Variants in BICD1 observed in about 807,000 individuals in gnomAD.
The protein encoded by BICD1 is protein bicaudal D homolog 1.
BICD1 carries 35 observed loss-of-function variants against 92.5 expected under a neutral mutation model. The ratio of observed to expected loss-of-function variants is 0.38; its 90% CI spans 0.29 to 0.50. BICD1 has a LOEUF of 0.50. Ranked by LOEUF, BICD1 falls within the 20% of genes least tolerant of loss-of-function variation. The pLI, the probability that BICD1 is intolerant of heterozygous loss-of-function variation, is 0.93. For synonymous variants in BICD1, 429 were observed against 465.1 expected (o/e 0.92, Z 1.00); for missense variants, 950 against 1,189.8 (o/e 0.80, Z 2.97).
At chr12:32,341,699 C>G (rs554952417) in intron 8 of BICD1, among the ~76,000 whole-genome samples, 29 of 152,204 alleles carry the variant, frequency 1.9e-4, no homozygotes, top group African/African-American at 6.7e-4. Flanking sequence ...ATTATCAAAT[C>G]AATCTTAGCA....
At chr12:32,344,510 G>A (rs1057166013) in intron 8 of BICD1, among the ~76,000 whole-genome samples, 3 of 152,138 alleles carry the variant, frequency 2.0e-5, no homozygotes, top group Admixed American at 6.6e-5. Context: ...GGGTAACATC[G>A]AAGATAAAGA....
intron 2 of BICD1, among the ~76,000 whole-genome samples, chr12:32,250,041 A>T (rs1189801395): frequency 6.6e-6 from 1 of 151,952 alleles, no homozygotes; most frequent in African/African-American, 2.4e-5. Flanking sequence ...CAAGAAGCAT[A>T]TTATTATGTT....
At chr12:32,373,891 AGTATT>A (rs1369948272) in intron 9 of BICD1, among the ~76,000 whole-genome samples, 2 of 151,092 alleles carry the variant, frequency 1.3e-5, no homozygotes, top group African/African-American at 2.4e-5. Context: ...AAAAAAAAAA[AGTATT>A]GGATTACACA....
Position 32,171,984 on chromosome 12 carries a change from C to CAT in BICD1, c.214-44262_214-44261insTA, listed in dbSNP as rs774843967. Among the ~76,000 whole-genome samples, 702 of 100,830 alleles carry CAT rather than the reference C, an allele frequency of 7.0e-3. 4 individuals carry two copies. Among genetic ancestry groups the CAT allele is most frequent in the East Asian group, 0.034 (90 of 2,686 alleles). The allele number at this position is 100,830 out of a possible 152,430, so 66.1% of individuals were successfully genotyped here. On this transcript the variant is annotated intron_variant, in intron 1 of 9. Coordinates refer to ENST00000652176, the MANE Select transcript of BICD1 (RefSeq NM_001714.4). ...ACACACACACACACACACACACACA[C>CAT]ACACACTAAAACTGCTGACATTGAG...
Position 32,305,881 on chromosome 12 carries a change from A to T in BICD1, c.764A>T (p.Tyr255Phe), listed in dbSNP as rs779829813. 2 of 1,614,110 alleles carry T rather than the reference A, an allele frequency of 1.2e-6. No individual in the cohort carries two copies. Among genetic ancestry groups the T allele is most frequent in the African/African-American group, 2.7e-5 (2 of 74,948 alleles). ...KNNLRKELSQ[Y>F]ISLNDNHISI... Reference sequence around the variant, plus strand: ...AACCTGCGGAAGGAGCTCTCCCAGTATATCAGCCTCAATGATAACCATATC... The same window carrying T: ...AACCTGCGGAAGGAGCTCTCCCAGTTTATCAGCCTCAATGATAACCATATC... The change falls in exon 4 of 10, where the codon TAT becomes TTT. Residue 255 changes from tyrosine to phenylalanine, a missense_variant. Physicochemically the swap from Tyr to Phe is conservative, Grantham distance 22 (BLOSUM62 3). Around this residue, in one of 5 missense-constraint regions of BICD1, gnomAD observed 246 missense variants for 258.4 expected, o/e 0.95. Transcript: ENST00000652176.
chr12:32,195,824 C>G (rs1049608777), intron 1 of BICD1, among the ~76,000 whole-genome samples: 6 of 151,982 alleles, frequency 3.9e-5, no homozygotes, highest in African/African-American at 9.7e-5. Flanking sequence ...AGGAAACAAT[C>G]AACAAAATTA....
At chr12:32,332,840 GC>G in intron 5 of BICD1, 1 of 983,402 alleles carries the variant, frequency 1.0e-6, no homozygotes, top group Non-Finnish European at 1.2e-6. Context: ...GCTCACAAAG[GC>G]CTATGTGGCT....
chr12:32,241,584 T>C (rs1055946351), intron 2 of BICD1, among the ~76,000 whole-genome samples: 5 of 152,214 alleles, frequency 3.3e-5, no homozygotes, highest in African/African-American at 1.2e-4. Flanking sequence ...ATGCATGTCC[T>C]AGATGGCCTT....
chr12:32,294,646 G>T (rs79720708), intron 3 of BICD1, among the ~76,000 whole-genome samples: 1 of 117,402 alleles, frequency 8.5e-6, no homozygotes, highest in Non-Finnish European at 1.8e-5. Context: ...AAAAAAAAAA[G>T]CCTGGGTCTG....
At chr12:32,109,178 C>T (rs1241903233) in intron 1 of BICD1, 3 of 152,508 alleles carry the variant, frequency 2.0e-5, no homozygotes, top group African/African-American at 4.8e-5. Context: ...ACTTACCTTG[C>T]ATAGCAAACC....
chr12:32,252,783 T>C (rs1160545253), intron 2 of BICD1, among the ~76,000 whole-genome samples: 4 of 152,220 alleles, frequency 2.6e-5, no homozygotes, highest in Non-Finnish European at 4.4e-5. Context: ...ATTAATCTTG[T>C]AGTCATGATA....
rs137913699 is a variant in BICD1 at position 32,126,325 on chromosome 12, C to T, written c.213+18781C>T. ...ACCACGGTTTGCAGACTGTTCACAC[C>T]GAGTTTGTGTAGAAAGGATGAAATC... On this transcript the variant is annotated intron_variant, in intron 1 of 9. Transcript: ENST00000652176. Among the ~76,000 whole-genome samples, 1,205 of 151,980 alleles carry T rather than the reference C, an allele frequency of 7.9e-3. 10 individuals carry two copies. The highest frequency in any genetic ancestry group is 0.017 in the South Asian group (82 of 4,804).
rs1210564784 is a variant in BICD1, at chr12:32,380,940, C to T, written c.*3313C>T. On this transcript the variant is annotated 3_prime_UTR_variant, in exon 10 of 10. Transcript: ENST00000652176. Reference sequence around the variant, plus strand: ...AACTCTAGGAAAGAGATTTTTAACACTGGGAAATTAACGTGGAAATTGATA... The same window carrying T: ...AACTCTAGGAAAGAGATTTTTAACATTGGGAAATTAACGTGGAAATTGATA... 2 of 151,990 alleles carry T rather than the reference C, an allele frequency of 1.3e-5. No individual in the cohort carries two copies. The highest frequency in any genetic ancestry group is 2.9e-5 in the Non-Finnish European group (2 of 67,958). The allele number at this position is 151,990 out of a possible 1,614,324, so 9.4% of individuals were successfully genotyped here.
chr12:32,280,570 G>A (rs535654202), intron 2 of BICD1, among the ~76,000 whole-genome samples: 1 of 152,320 alleles, frequency 6.6e-6, no homozygotes, highest in East Asian at 1.9e-4. Context: ...TACAGGGAGG[G>A]CACCTTTCTC....
At chr12:32,334,951 A>G (rs1448266682) in intron 6 of BICD1, among the ~76,000 whole-genome samples, 1 of 152,194 alleles carries the variant, frequency 6.6e-6, no homozygotes, top group African/African-American at 2.4e-5. Context: ...TATGCACCCC[A>G]AAGAGAGTCT....
intron 1 of BICD1, among the ~76,000 whole-genome samples, chr12:32,167,103 C>T (rs1475760028): frequency 6.6e-6 from 1 of 152,096 alleles, no homozygotes; most frequent in East Asian, 1.9e-4. Context: ...TGTTTTAAGT[C>T]GATTCAGGAA....
intron 1 of BICD1, among the ~76,000 whole-genome samples, chr12:32,199,644 ACTT>A (rs1180971076): frequency 6.6e-6 from 1 of 152,160 alleles, no homozygotes; most frequent in Non-Finnish European, 1.5e-5. Flanking sequence ...TAAGTGATTA[ACTT>A]CTTCTAATCT....
chr12:32,370,713 C>T (rs1480170407), intron 9 of BICD1, among the ~76,000 whole-genome samples: 6 of 152,230 alleles, frequency 3.9e-5, no homozygotes, highest in Non-Finnish European at 5.9e-5. Flanking sequence ...GTTCAGATGA[C>T]AATAGATACT....
chr12:32,345,220 C>T (rs527390632), intron 8 of BICD1, among the ~76,000 whole-genome samples: 2 of 146,156 alleles, frequency 1.4e-5, no homozygotes, highest in South Asian at 4.3e-4. Flanking sequence ...TCTGGGAGGT[C>T]GAGGCTGCAG....
Sources: gnomAD v4.1 joint callset for allele counts (sites outside exome capture counted in the v4.1 genomes callset) on GRCh38, gnomAD v4.1.1 for gene constraint, gnomAD v4.1.1 regional missense constraint, MANE v1.5 for transcripts, NCBI Gene and HGNC (gene_info 2026-07-23, HGNC 2026-07-21) for gene names.